Variants in PAPSS2 observed in about 807,000 individuals in gnomAD.
PAPSS2 encodes 3'-phosphoadenosine 5'-phosphosulfate synthase 2.
PAPSS2 carries 61 observed loss-of-function variants against 66.5 expected under a neutral mutation model. The observed-to-expected ratio is 0.92, with a 90% CI of 0.75 to 1.14. PAPSS2 has a LOEUF of 1.14. Ranked by LOEUF, PAPSS2 falls within the 50% of genes most tolerant of loss-of-function variation. The pLI, the probability that PAPSS2 is intolerant of heterozygous loss-of-function variation, is 0.00. For synonymous variants in PAPSS2, 289 were observed against 287.5 expected (o/e 1.01, Z -0.05); for missense variants, 708 against 789.6 (o/e 0.90, Z 1.24).
chr10:87,719,182 C>T (rs555049445), intron 7 of PAPSS2, among the ~76,000 whole-genome samples: 2 of 152,206 alleles, frequency 1.3e-5, no homozygotes, highest in African/African-American at 2.4e-5. Context: ...TACCACTCGC[C>T]GTATGTTAAG....
intron 1 of PAPSS2, among the ~76,000 whole-genome samples, chr10:87,673,070 G>A (rs1439467800): frequency 6.6e-6 from 1 of 152,130 alleles, no homozygotes; most frequent in Non-Finnish European, 1.5e-5. Flanking sequence ...GTTATATATA[G>A]TGGGGGCCAG....
At chr10:87,695,914 G>C (rs77822607) in intron 1 of PAPSS2, among the ~76,000 whole-genome samples, 2 of 152,128 alleles carry the variant, frequency 1.3e-5, no homozygotes, top group African/African-American at 4.8e-5. Flanking sequence ...AGTCTCACAG[G>C]TCAGGAGTAT....
chr10:87,727,487 A>C lies in PAPSS2; in HGVS notation c.1084A>C (p.Lys362Gln), dbSNP rs1564725543. 6.2e-7 allele frequency: 1 copy of C among 1,609,816 alleles called. No homozygotes were observed. The highest frequency in any genetic ancestry group is 8.5e-7 in the Non-Finnish European group (1 of 1,177,360). The change falls in exon 9 of 13, where the codon AAA (lysine) becomes CAA (glutamine). Residue 362 changes from lysine to glutamine, a missense_variant and splice_region_variant. Lys to Gln is a moderately conservative substitution (Grantham distance 53, BLOSUM62 1). Coordinates refer to ENST00000456849, the MANE Select transcript of PAPSS2 (RefSeq NM_001015880.2). ...GTTCTKHPHI[K>Q]MVMESGDWLV... ...AACATGTACAAAACACCCCCATATC[A>C]AAGTAAGTCACAAAACCTTTGGAAG...
intron 1 of PAPSS2, among the ~76,000 whole-genome samples, chr10:87,666,801 C>T (rs1852821115): frequency 6.6e-6 from 1 of 152,132 alleles, no homozygotes; most frequent in Non-Finnish European, 1.5e-5. Context: ...CCACTACTCC[C>T]AGGAGTGTAG....
In PAPSS2 at chr10:87,713,131, T is replaced by C. The variant is rs139638741; in HGVS notation, c.202T>C (p.Ser68Pro). Reference protein sequence around the residue: ...ISFALEEYLVSHAIPCYSLDG... With the variant: ...ISFALEEYLVPHAIPCYSLDG... Reference sequence around the variant, plus strand: ...TTTTGCCCTGGAGGAGTACCTTGTCTCCCATGCCATCCCTTGTTACTCCCT... The same window carrying C: ...TTTTGCCCTGGAGGAGTACCTTGTCCCCCATGCCATCCCTTGTTACTCCCT... Residue 68 changes from serine to proline, a missense_variant, in exon 3 of 13, where the codon TCC becomes CCC. Coordinates refer to ENST00000456849, the MANE Select transcript of PAPSS2 (RefSeq NM_001015880.2). 2.8e-4 allele frequency: 445 copies of C among 1,613,448 alleles called. No homozygotes were observed. Among genetic ancestry groups the C allele is most frequent in the Non-Finnish European group, 3.4e-4 (403 of 1,179,798 alleles).
intron 8 of PAPSS2, among the ~76,000 whole-genome samples, chr10:87,725,882 T>TACACACAC (rs1324153679): frequency 1.7e-4 from 10 of 58,442 alleles, no homozygotes; most frequent in African/African-American, 1.1e-3. Flanking sequence ...AATATGTGTG[T>TACACACAC]ATACACACAC....
intron 8 of PAPSS2, among the ~76,000 whole-genome samples, chr10:87,723,671 G>A (rs1293223848): frequency 3.7e-5 from 4 of 107,192 alleles, no homozygotes; most frequent in Non-Finnish European, 7.2e-5. Context: ...GTTTATTGCC[G>A]GCAGTTGCTG....
intron 1 of PAPSS2, among the ~76,000 whole-genome samples, chr10:87,699,836 A>G (rs990322373): frequency 1.3e-5 from 2 of 151,546 alleles, no homozygotes; most frequent in African/African-American, 4.8e-5. Context: ...AAAGAATCAA[A>G]CTATTTTGGC....
intron 1 of PAPSS2, chr10:87,660,269 C>T (rs995781737): frequency 5.0e-6 from 3 of 595,832 alleles, no homozygotes; most frequent in African/African-American, 1.9e-5. Flanking sequence ...AGAGACCTCC[C>T]GAGCTTCTCA....
Position 87,737,674 on chromosome 10 carries a change from A to C in PAPSS2, c.1087-3561A>C, listed in dbSNP as rs1338271631. Among the ~76,000 whole-genome samples, 3 of 152,102 alleles carry C rather than the reference A, an allele frequency of 2.0e-5. No homozygotes were observed. The East Asian group carries it at 5.8e-4, about 29-fold the overall frequency. On this transcript the variant is annotated intron_variant, in intron 9 of 12. Transcript: ENST00000456849. ...TGTCTCTACAAAAAAAAAATTTTAA[A>C]ATTAGCCAGGTGTGGTGGCATGCTT...
rs192847013 is a variant in PAPSS2, at chr10:87,709,109, A to G, written c.28-87A>G. 474 of 874,132 alleles carry G rather than the reference A, an allele frequency of 5.4e-4. 1 individual carries two copies. The highest frequency in any genetic ancestry group is 6.8e-4 in the South Asian group (50 of 73,648). 54.1% of individuals were successfully genotyped at this position (874,132 alleles called of 1,614,324 possible). A position where few individuals can be genotyped will look rare whatever the true frequency, so the allele number is the denominator to read the frequency against. On this transcript the variant is annotated intron_variant, in intron 1 of 12. Transcript: ENST00000456849. ...GTTACATGTATCAGTTTCGCAATTA[A>G]AAGTTTAAGATGGATTTATATTGGC...
chr10:87,680,126 G>A (rs1361123945), intron 1 of PAPSS2, among the ~76,000 whole-genome samples: 3 of 151,624 alleles, frequency 2.0e-5, no homozygotes, highest in Non-Finnish European at 4.4e-5. Flanking sequence ...TTCCAACCAA[G>A]AGCGAGAACC....
chr10:87,721,461 C>T (rs532221714), intron 7 of PAPSS2, among the ~76,000 whole-genome samples: 1 of 152,208 alleles, frequency 6.6e-6, no homozygotes, highest in South Asian at 2.1e-4. Context: ...TATTTTAAAA[C>T]AGATATCTCT....
chr10:87,689,313 C>G (rs1235399132), intron 1 of PAPSS2, among the ~76,000 whole-genome samples: 2 of 148,414 alleles, frequency 1.3e-5, no homozygotes, highest in African/African-American at 5.0e-5. Flanking sequence ...GCACCCCAGC[C>G]TAGGCAACAC....
intron 4 of PAPSS2, 87 bp from the exon 5 acceptor site, chr10:87,714,658 A>G: frequency 5.8e-6 from 5 of 865,050 alleles, no homozygotes; most frequent in Non-Finnish European, 1.0e-5. Flanking sequence ...AGTTTAATAC[A>G]TTATTCCAAC....
At chr10:87,706,225 A>T (rs1853388514) in intron 1 of PAPSS2, among the ~76,000 whole-genome samples, 1 of 147,840 alleles carries the variant, frequency 6.8e-6, no homozygotes, top group South Asian at 2.2e-4. Context: ...GATGCCAGGG[A>T]TTCTTCTTTG....
intron 1 of PAPSS2, among the ~76,000 whole-genome samples, chr10:87,694,077 T>C (rs1853203935): frequency 6.6e-6 from 1 of 152,224 alleles, no homozygotes; most frequent in Non-Finnish European, 1.5e-5. Context: ...ATACCTACTA[T>C]AAGTCCAAGT....
intron 1 of PAPSS2, among the ~76,000 whole-genome samples, chr10:87,695,717 G>A (rs115711398): frequency 2.7e-3 from 407 of 152,288 alleles, no homozygotes; most frequent in African/African-American, 9.0e-3. Flanking sequence ...CAGGATGTGC[G>A]GATACATAAT....
chr10:87,711,833 T>C (rs555508299), intron 2 of PAPSS2, among the ~76,000 whole-genome samples: 1 of 152,144 alleles, frequency 6.6e-6, no homozygotes, highest in Non-Finnish European at 1.5e-5. Context: ...CTTCTCTGTA[T>C]GAACCTCTTG....
Sources: allele counts gnomAD v4.1 joint callset (sites outside exome capture counted in the v4.1 genomes callset), GRCh38; gene constraint gnomAD v4.1.1; transcripts MANE v1.5; gene names NCBI Gene and HGNC (gene_info 2026-07-23, HGNC 2026-07-21).